Variants in NRXN1 observed in about 807,000 individuals in gnomAD.
The protein encoded by NRXN1 is neurexin 1, also known as neurexin-1.
A neutral mutation model predicts 150.9 loss-of-function variants in NRXN1; 39 were observed. The ratio of observed to expected loss-of-function variants is 0.26; its 90% CI spans 0.20 to 0.34. NRXN1 has a LOEUF of 0.34. Ranked by LOEUF, NRXN1 falls within the 10% of genes least tolerant of loss-of-function variation. The probability of loss-of-function intolerance (pLI) is 1.00; values close to 1 mark genes in which losing one functional copy is unlikely to be tolerated. For missense variants in NRXN1, 1,815 were observed against 1,949.9 expected, an observed-to-expected ratio of 0.93 and a Z score of 1.30; for synonymous variants, 924 against 757.0, an observed-to-expected ratio of 1.22 and a Z score of -3.62.
At chr2:49,964,921 C>G (rs1432174941) in intron 21 of NRXN1, among the ~76,000 whole-genome samples, 2 of 152,170 alleles carry the variant, frequency 1.3e-5, no homozygotes, top group Admixed American at 1.3e-4. Flanking sequence ...GGGTCTCACT[C>G]TGTCACCCAG....
chr2:50,791,404 G>A (rs1037863821), intron 5 of NRXN1, among the ~76,000 whole-genome samples: 1 of 151,588 alleles, frequency 6.6e-6, no homozygotes, highest in Non-Finnish European at 1.5e-5. Context: ...TCCATCCCAG[G>A]GAGAATAATG....
chr2:50,939,245 T>C (rs1689034404), intron 2 of NRXN1, among the ~76,000 whole-genome samples: 1 of 149,334 alleles, frequency 6.7e-6, no homozygotes, highest in African/African-American at 2.5e-5. Context: ...AAATTAAATG[T>C]AGGTAGCCCC....
At chr2:50,432,596 C>T (rs2085065412) in intron 17 of NRXN1, among the ~76,000 whole-genome samples, 1 of 152,204 alleles carries the variant, frequency 6.6e-6, no homozygotes, top group Admixed American at 6.5e-5. Flanking sequence ...CTTTCTGCCA[C>T]TTGGAATTCC....
At position 50,705,096 on chromosome 2, in the gene NRXN1, G is replaced by T. The variant is rs113687161; in HGVS notation, c.833-81481C>A. ...CACACACCCATCCCCAGGAACTGCC[G>T]ATTTCTAGCATAAATCTACTGTAAC... is the stretch of plus-strand genomic sequence containing the variant. On this transcript the variant is annotated intron_variant, in intron 5 of 22. Transcript: ENST00000401669. Among the ~76,000 whole-genome samples the T allele has an allele frequency of 1.8e-4, 27 of 150,194 alleles. 1 individual carries two copies. Among genetic ancestry groups the T allele is most frequent in the African/African-American group, 6.6e-4 (27 of 40,880 alleles).
intron 2 of NRXN1, among the ~76,000 whole-genome samples, chr2:50,995,602 CAA>C (rs34952996): frequency 1.3e-4 from 9 of 71,874 alleles, no homozygotes; most frequent in Non-Finnish European, 1.9e-4. Context: ...TAGACTCTGT[CAA>C]AAAAAAAAAA....
intron 17 of NRXN1, among the ~76,000 whole-genome samples, chr2:50,300,626 G>A (rs1478910068): frequency 2.6e-5 from 4 of 152,184 alleles, no homozygotes; most frequent in South Asian, 2.1e-4. Context: ...GTGAGCAGAC[G>A]TGATGAGGTC....
chr2:50,293,445 C>T (rs1337529254), intron 17 of NRXN1, among the ~76,000 whole-genome samples: 2 of 152,108 alleles, frequency 1.3e-5, no homozygotes, highest in Non-Finnish European at 2.9e-5. Context: ...GGATGCATAT[C>T]GAAGGTAGCC....
chr2:50,789,874 T>C (rs1324465261), intron 5 of NRXN1, among the ~76,000 whole-genome samples: 1 of 152,158 alleles, frequency 6.6e-6, no homozygotes, highest in Admixed American at 6.5e-5. Context: ...CCTTAAATTC[T>C]CCCTGCTCTT....
At position 50,796,589 on chromosome 2, in the gene NRXN1, C is replaced by G. The variant is rs375677529; in HGVS notation, c.832+125280G>C. ...AGTAGTTCAAAAGTTTGGCTTTCCCCTAAGTGATAACATACAAATGGAGTA... is the reference window on the plus strand; with the variant it reads ...AGTAGTTCAAAAGTTTGGCTTTCCCGTAAGTGATAACATACAAATGGAGTA... On this transcript the variant is annotated intron_variant, in intron 5 of 22. Transcript: ENST00000401669. Among the ~76,000 whole-genome samples the G allele has an allele frequency of 2.0e-5, 3 of 152,238 alleles. No homozygotes were observed. The East Asian group carries it at 5.8e-4, about 29-fold the overall frequency.
intron 5 of NRXN1, among the ~76,000 whole-genome samples, chr2:50,730,483 C>G (rs1159305377): frequency 6.6e-6 from 1 of 152,060 alleles, no homozygotes; most frequent in Non-Finnish European, 1.5e-5. Context: ...ATGAGAGGAT[C>G]AGAGCTCTTT....
At chr2:50,666,584 C>T (rs567827125) in intron 5 of NRXN1, among the ~76,000 whole-genome samples, 108 of 151,962 alleles carry the variant, frequency 7.1e-4, no homozygotes, top group Middle Eastern at 3.4e-3. Flanking sequence ...TCCACATTTT[C>T]GCCAACACTT....
chr2:50,348,449 T>A (rs1575176192), intron 17 of NRXN1, among the ~76,000 whole-genome samples: 1 of 152,328 alleles, frequency 6.6e-6, no homozygotes, highest in South Asian at 2.1e-4. Context: ...GTCAATATTT[T>A]AGGAATATTT....
intron 18 of NRXN1, among the ~76,000 whole-genome samples, chr2:50,209,067 C>T (rs1474971896): frequency 1.3e-5 from 2 of 152,092 alleles, no homozygotes; most frequent in Non-Finnish European, 2.9e-5. Context: ...GAATCCATGT[C>T]CACACTTTAA....
rs550290127 is a variant in NRXN1, at chr2:50,346,899, GC to G, written c.3365-109930del. 3.1e-6 allele frequency: 4 copies of G among 1,289,138 alleles called. No individual in the cohort carries two copies. Among genetic ancestry groups the G allele is most frequent in the South Asian group, 2.6e-5 (1 of 38,492 alleles). 79.9% of individuals were successfully genotyped at this position (1,289,138 alleles called of 1,614,324 possible). A position where few individuals can be genotyped will look rare whatever the true frequency, so the allele number is the denominator to read the frequency against. ...CGCCGCCGCCGCCGCCGCCGCCGCC[GC>G]CCCCGGGCGAGCCCAGCTCGGCGCC... On this transcript the variant is annotated intron_variant, in intron 17 of 22. Transcript: ENST00000401669. This position sits in a 1 kb window ranked among gnomAD's most constrained non-coding sequence, Gnocchi z 5.0.
intron 18 of NRXN1, among the ~76,000 whole-genome samples, chr2:50,225,792 A>C (rs989932652): frequency 6.6e-6 from 1 of 151,970 alleles, no homozygotes; most frequent in African/African-American, 2.4e-5. Flanking sequence ...TATGCCCCAA[A>C]CTTACAAATC....
chr2:50,066,641 G>A (rs1695404477), intron 19 of NRXN1, among the ~76,000 whole-genome samples: 1 of 151,854 alleles, frequency 6.6e-6, no homozygotes, highest in African/African-American at 2.4e-5. Context: ...AACATATTTA[G>A]TCTCAAAATA....
chr2:50,304,814 C>T lies in NRXN1; in HGVS notation c.3365-67844G>A, dbSNP rs531068182. On this transcript the variant is annotated intron_variant, in intron 17 of 22. Coordinates refer to ENST00000401669, the MANE Select transcript of NRXN1 (RefSeq NM_001330078.2). The stretch of plus-strand genomic sequence containing the variant: ...TTAATATAAAGGTACTCACTGAGAC[C>T]GAGTGTGGTGGCTCACGCTATAATC... Among the ~76,000 whole-genome samples the T allele has an allele frequency of 7.2e-5, 11 of 152,130 alleles. No homozygotes were observed. The South Asian group carries it at 1.2e-3, about 17-fold the overall frequency.
intron 2 of NRXN1, among the ~76,000 whole-genome samples, chr2:51,025,540 A>G (rs1244658182): frequency 6.6e-6 from 1 of 152,160 alleles, no homozygotes; most frequent in Non-Finnish European, 1.5e-5. Flanking sequence ...TTGTTTCCTA[A>G]TTTAAGGAAG....
chr2:50,112,782 T>A (rs1038985979), intron 18 of NRXN1, among the ~76,000 whole-genome samples: 1 of 152,084 alleles, frequency 6.6e-6, no homozygotes, highest in African/African-American at 2.4e-5. Context: ...AAGAATTACA[T>A]AAGATTAAAA....
Sources: gnomAD v4.1 joint callset for allele counts (sites outside exome capture counted in the v4.1 genomes callset) on GRCh38, gnomAD v4.1.1 for gene constraint, Gnocchi (gnomAD v3.1) non-coding constraint, MANE v1.5 for transcripts, NCBI Gene and HGNC (gene_info 2026-07-23, HGNC 2026-07-21) for gene names.